The following GTF2A2 variants were observed in gnomAD, a reference collection of about 807,000 sequenced individuals.
GTF2A2 encodes the protein transcription initiation factor IIA subunit 2.
A neutral mutation model predicts 14.3 loss-of-function variants in GTF2A2; 9 were observed. The observed-to-expected ratio is 0.63, with a 90% CI of 0.38 to 1.10. The LOEUF (loss-of-function observed/expected upper bound fraction) is 1.10. GTF2A2 is among the 50% of genes least tolerant of loss of function. The probability of loss-of-function intolerance (pLI) is 0.01; values close to 1 mark genes in which losing one functional copy is unlikely to be tolerated. For synonymous variants in GTF2A2, 56 were observed against 46.0 expected, an observed-to-expected ratio of 1.22 and a Z score of -0.88; for missense variants, 90 against 124.6, an observed-to-expected ratio of 0.72 and a Z score of 1.32.
At chr15:59,647,105 T>G (rs983754638) in intron 3 of GTF2A2, among the ~76,000 whole-genome samples, 2 of 152,108 alleles carry the variant, frequency 1.3e-5, no homozygotes, top group Admixed American at 1.3e-4. Context: ...TACATATAGT[T>G]TTTTTGAAGC....
chr15:59,646,105 G>A (rs1410554352), intron 3 of GTF2A2, among the ~76,000 whole-genome samples: 2 of 151,758 alleles, frequency 1.3e-5, no homozygotes, highest in African/African-American at 4.8e-5. Context: ...TGCCCAGGAT[G>A]GAGCACAGTG....
At chr15:59,642,437 A>G (rs1227546985) in intron 3 of GTF2A2, among the ~76,000 whole-genome samples, 175 bp from the exon 4 acceptor site, 1 of 152,214 alleles carries the variant, frequency 6.6e-6, no homozygotes, top group Non-Finnish European at 1.5e-5. Context: ...CAAATTTGCT[A>G]AGGGAAGATT....
intron 4 of GTF2A2, chr15:59,640,270 G>A (rs1335696489): frequency 6.6e-6 from 1 of 151,966 alleles, no homozygotes; most frequent in Non-Finnish European, 1.5e-5. Context: ...ATAGTAAAGA[G>A]AAACACACTC....
chr15:59,641,597 G>A (rs891859897), intron 4 of GTF2A2, among the ~76,000 whole-genome samples: 3 of 152,146 alleles, frequency 2.0e-5, no homozygotes, highest in African/African-American at 7.2e-5. Flanking sequence ...TCATGAAACA[G>A]AAATTAGGTG....
At chr15:59,648,277 G>A (rs1285693453) in intron 3 of GTF2A2, among the ~76,000 whole-genome samples, 5 of 151,588 alleles carry the variant, frequency 3.3e-5, no homozygotes, top group Middle Eastern at 3.4e-3. Context: ...GCGTTGTGGC[G>A]TGTGCCTGTA....
intron 4 of GTF2A2, among the ~76,000 whole-genome samples, chr15:59,639,628 A>C (rs1272270971): frequency 6.7e-6 from 1 of 150,044 alleles, no homozygotes. Flanking sequence ...TCGCCCAGCT[A>C]ATTTTTTGTA....
rs1368064094 is a variant in GTF2A2 at position 59,650,704 on chromosome 15, G to T, written c.142C>A (p.Leu48Met). 6.2e-7 allele frequency: 1 copy of T among 1,608,998 alleles called. No homozygotes were observed. The highest frequency in any genetic ancestry group is 1.7e-5 in the Admixed American group (1 of 60,008). The change falls in exon 3 of 5, where the codon CTG (leucine) becomes ATG (methionine). Residue 48 changes from leucine to methionine, a missense_variant. Leu to Met is a conservative substitution (Grantham distance 15, BLOSUM62 2). Transcript: ENST00000396060. ...ACTCTGTTCCTGACCCTCTGAGCCA[G>T]TGCTGCATTTATAGCCTTATCAAAC... ...LQFDKAINAA[L>M]AQRVRNRVNF...
intron 3 of GTF2A2, among the ~76,000 whole-genome samples, chr15:59,647,459 A>G (rs1336392771): frequency 6.6e-6 from 1 of 152,176 alleles, no homozygotes; most frequent in East Asian, 1.9e-4. Flanking sequence ...TTTCTTCTAT[A>G]AGATATTTAG....
chr15:59,654,625 T>C (rs572784112), intron 1 of GTF2A2, among the ~76,000 whole-genome samples: 1 of 152,364 alleles, frequency 6.6e-6, no homozygotes, highest in African/African-American at 2.4e-5. Flanking sequence ...GAACAACGTA[T>C]GTAGTATCTA....
At chr15:59,647,261 T>G (rs1294330199) in intron 3 of GTF2A2, among the ~76,000 whole-genome samples, 1 of 151,746 alleles carries the variant, frequency 6.6e-6, no homozygotes, top group Admixed American at 6.6e-5. Context: ...CCCAGCTACT[T>G]TGTTTGTTTT....
At chr15:59,654,720 A>C (rs10744959) in intron 1 of GTF2A2, among the ~76,000 whole-genome samples, 152,120 of 152,304 alleles carry the variant, frequency 1, 75,968 homozygotes, top group Middle Eastern at 1. Flanking sequence ...ACAAAGTATT[A>C]CACTTCACTG....
At chr15:59,646,832 TATA>T (rs1187142439) in intron 3 of GTF2A2, among the ~76,000 whole-genome samples, 18 of 152,060 alleles carry the variant, frequency 1.2e-4, no homozygotes, top group Non-Finnish European at 4.4e-5. Flanking sequence ...TAAGAAATAA[TATA>T]ATCTTTTTAG....
chr15:59,642,372 T>C (rs1048013567), intron 3 of GTF2A2, 110 bp from the exon 4 acceptor site: 2 of 882,610 alleles, frequency 2.3e-6, no homozygotes, highest in African/African-American at 1.7e-5. Context: ...GTTTAATGCT[T>C]AGCTTAAGAT....
Position 59,638,575 on chromosome 15 carries a change from T to C in GTF2A2, c.*557A>G, listed in dbSNP as rs1454192593. The C allele has an allele frequency of 6.6e-6, 1 of 152,270 alleles. No homozygotes were observed. Among genetic ancestry groups the C allele is most frequent in the East Asian group, 1.9e-4 (1 of 5,224 alleles). The allele number at this position is 152,270 out of a possible 1,614,324, so 9.4% of individuals were successfully genotyped here. A position where few individuals can be genotyped will look rare whatever the true frequency, so the allele number is the denominator to read the frequency against. On this transcript the variant is annotated 3_prime_UTR_variant, in exon 5 of 5. Transcript: ENST00000396060. Reference sequence around the variant, plus strand: ...AAGAAGGAAAGTTTTTTGGTTTTGTTTTTGCTATGATTGTCTAACTTTTCC... The same window carrying C: ...AAGAAGGAAAGTTTTTTGGTTTTGTCTTTGCTATGATTGTCTAACTTTTCC...
At chr15:59,656,512 G>A (rs961491733) in intron 1 of GTF2A2, among the ~76,000 whole-genome samples, 2 of 151,426 alleles carry the variant, frequency 1.3e-5, no homozygotes, top group Admixed American at 6.6e-5. Context: ...TAAGCTCCAT[G>A]AGGGCAAAGC....
Position 59,650,572 on chromosome 15 carries a change from T to C in GTF2A2, c.177+97A>G, listed in dbSNP as rs570496239. ...TCCAAAAATTGACTAAGCCACCTCT[T>C]CCTCTTATGATTAATAAATATGTAG... On this transcript the variant is annotated intron_variant, in intron 3 of 4. Transcript: ENST00000396060. 103 of 652,820 alleles carry C rather than the reference T, an allele frequency of 1.6e-4. 1 individual carries two copies. In the South Asian group the frequency reaches 2.1e-3, roughly 13 times the overall value. The allele number at this position is 652,820 out of a possible 1,614,324, so 40.4% of individuals were successfully genotyped here.
chr15:59,653,655 T>C (rs1281991134), intron 1 of GTF2A2, among the ~76,000 whole-genome samples: 1 of 152,186 alleles, frequency 6.6e-6, no homozygotes, highest in African/African-American at 2.4e-5. Flanking sequence ...TTAAATACCA[T>C]CTACTATCTG....
intron 3 of GTF2A2, among the ~76,000 whole-genome samples, chr15:59,645,557 T>C (rs1056635269): frequency 6.6e-6 from 1 of 152,190 alleles, no homozygotes; most frequent in South Asian, 2.1e-4. Context: ...GTGATAAATA[T>C]ACTGAAAGTC....
In GTF2A2 at chr15:59,642,767, G is replaced by A. The variant is rs1891473062; in HGVS notation, c.178-505C>T. 3.3e-5 allele frequency among the ~76,000 whole-genome samples: 5 copies of A among 152,146 alleles called. No homozygotes were observed. The Middle Eastern group carries it at 0.014, about 414-fold the overall frequency. On this transcript the variant is annotated intron_variant, in intron 3 of 4. Transcript: ENST00000396060. ...TTGTGCAACTTATAATTTTTTATAC[G>A]TTTTCATTTTATTTTTTTGAGATGG...
Sources: allele counts gnomAD v4.1 joint callset (sites outside exome capture counted in the v4.1 genomes callset), GRCh38; gene constraint gnomAD v4.1.1; transcripts MANE v1.5; gene names NCBI Gene and HGNC (gene_info 2026-07-23, HGNC 2026-07-21).